The following WAC variants were observed in gnomAD, a reference collection of about 807,000 sequenced individuals.
WAC encodes the protein WW domain containing adaptor with coiled-coil.
A neutral mutation model predicts 79.6 loss-of-function variants in WAC; 11 were observed. The observed-to-expected ratio is 0.14, with a 90% confidence interval of 0.09 to 0.23. The LOEUF (loss-of-function observed/expected upper bound fraction) is 0.23, where lower values mean the gene tolerates loss of function less well. WAC is among the 10% of genes least tolerant of loss of function. The pLI is 1.00. For missense variants in WAC, 728 were observed against 773.5 expected, an observed-to-expected ratio of 0.94 and a Z score of 0.70; for synonymous variants, 304 against 276.9, an observed-to-expected ratio of 1.10 and a Z score of -0.97.
intron 3 of WAC, among the ~76,000 whole-genome samples, chr10:28,578,551 A>G (rs1368399990): frequency 1.3e-5 from 2 of 151,386 alleles, no homozygotes; most frequent in Non-Finnish European, 3.0e-5. Context: ...CCATTTAATC[A>G]TATAGAGTTG....
chr10:28,568,173 A>C (rs113803491), intron 3 of WAC, among the ~76,000 whole-genome samples: 9 of 152,338 alleles, frequency 5.9e-5, no homozygotes, highest in African/African-American at 1.9e-4. Context: ...TAGAGGGCAA[A>C]TACAGAAACA....
chr10:28,598,124 G>A (rs1185832158), intron 7 of WAC, among the ~76,000 whole-genome samples: 9 of 152,170 alleles, frequency 5.9e-5, no homozygotes, highest in Non-Finnish European at 1.5e-5. Flanking sequence ...CCGCTTAACA[G>A]TGGCATCATT....
intron 4 of WAC, among the ~76,000 whole-genome samples, chr10:28,586,177 G>A (rs996088763): frequency 2.6e-5 from 4 of 152,124 alleles, no homozygotes; most frequent in Admixed American, 2.6e-4. Flanking sequence ...AGATATTTGG[G>A]TATGTGGGTG....
intron 4 of WAC, chr10:28,589,226 A>G (rs1164344555): frequency 6.6e-6 from 1 of 152,310 alleles, no homozygotes; most frequent in Non-Finnish European, 1.5e-5. Flanking sequence ...AGGTGAAACA[A>G]ACTTACAGCT....
chr10:28,605,905 TAAAG>T (rs768197825), intron 7 of WAC, among the ~76,000 whole-genome samples: 26 of 152,322 alleles, frequency 1.7e-4, no homozygotes, highest in Non-Finnish European at 3.4e-4. Flanking sequence ...TAAGTAGAAA[TAAAG>T]AGTTTATTTC....
intron 3 of WAC, among the ~76,000 whole-genome samples, chr10:28,565,755 TAACAC>T (rs1274059560): frequency 5.3e-5 from 8 of 152,346 alleles, no homozygotes; most frequent in Admixed American, 5.2e-4. Context: ...GCTCATAAAA[TAACAC>T]AAGCAGCTCT....
chr10:28,566,092 A>G (rs2132516679), intron 3 of WAC, among the ~76,000 whole-genome samples: 1 of 152,334 alleles, frequency 6.6e-6, no homozygotes, highest in Middle Eastern at 3.4e-3. Context: ...GGAGACTTGA[A>G]TCTTAAAAAG....
chr10:28,596,995 A>G (rs1840404997), intron 7 of WAC, among the ~76,000 whole-genome samples: 1 of 152,158 alleles, frequency 6.6e-6, no homozygotes, highest in Non-Finnish European at 1.5e-5. Flanking sequence ...AATAGAGACT[A>G]ATATTTATAG....
intron 13 of WAC, among the ~76,000 whole-genome samples, chr10:28,618,895 T>C (rs1387631051): frequency 6.6e-6 from 1 of 152,260 alleles, no homozygotes; most frequent in Non-Finnish European, 1.5e-5. Flanking sequence ...GTTTATTTCA[T>C]GTATAATAGC....
chr10:28,567,880 A>G (rs1174016535), intron 3 of WAC, among the ~76,000 whole-genome samples: 2 of 151,820 alleles, frequency 1.3e-5, no homozygotes, highest in Admixed American at 6.6e-5. Context: ...CCAGCCTCCC[A>G]AGTAGCTGAG....
chr10:28,558,351 T>C (rs976866945), intron 3 of WAC, among the ~76,000 whole-genome samples: 3 of 152,150 alleles, frequency 2.0e-5, no homozygotes, highest in Non-Finnish European at 4.4e-5. Context: ...AAAGCTAATA[T>C]AGGGTAAATG....
intron 3 of WAC, among the ~76,000 whole-genome samples, chr10:28,555,145 T>G (rs1837911959): frequency 6.6e-6 from 1 of 152,146 alleles, no homozygotes. Context: ...AACCGGTCTT[T>G]CTGCTTTCCA....
intron 3 of WAC, among the ~76,000 whole-genome samples, chr10:28,568,421 G>GC (rs1258086790): frequency 6.6e-6 from 1 of 152,020 alleles, no homozygotes; most frequent in Non-Finnish European, 1.5e-5. Flanking sequence ...TGCACTGTCA[G>GC]CCGGGCTGGT....
chr10:28,563,182 G>C (rs1186113586), intron 3 of WAC, among the ~76,000 whole-genome samples: 1 of 152,118 alleles, frequency 6.6e-6, no homozygotes, highest in Non-Finnish European at 1.5e-5. Flanking sequence ...TGGGATTACA[G>C]GTGTGAGTCA....
At chr10:28,594,433 T>G (rs1489099269) in intron 6 of WAC, among the ~76,000 whole-genome samples, 1 of 152,232 alleles carries the variant, frequency 6.6e-6, no homozygotes. Context: ...GATAGCTTAC[T>G]TATATATTAC....
chr10:28,591,512 C>T (rs1840081366), intron 6 of WAC: 1 of 152,112 alleles, frequency 6.6e-6, no homozygotes, highest in East Asian at 1.9e-4. Context: ...ATTCATTCTC[C>T]AAATTTGAAG....
chr10:28,619,017 G>A (rs1480647227), intron 13 of WAC, among the ~76,000 whole-genome samples: 1 of 152,224 alleles, frequency 6.6e-6, no homozygotes, highest in Non-Finnish European at 1.5e-5. Flanking sequence ...GGTGGCTAAC[G>A]CCTGTAATCC....
At chr10:28,567,366 C>T (rs909510443) in intron 3 of WAC, among the ~76,000 whole-genome samples, 1 of 151,994 alleles carries the variant, frequency 6.6e-6, no homozygotes, top group South Asian at 2.1e-4. Flanking sequence ...TCTGATTCTG[C>T]GTCTTACTCT....
intron 11 of WAC, chr10:28,615,819 A>T: frequency 5.7e-6 from 1 of 176,068 alleles, no homozygotes; most frequent in Non-Finnish European, 1.2e-5. Flanking sequence ...CCCCTTATCT[A>T]GATGTGTATG....
Sources: gnomAD v4.1 joint callset for allele counts (sites outside exome capture counted in the v4.1 genomes callset) on GRCh38, gnomAD v4.1.1 for gene constraint, MANE v1.5 for transcripts, NCBI Gene and HGNC (gene_info 2026-07-23, HGNC 2026-07-21) for gene names.